FGGY: variants seen among roughly 807,000 people sequenced by gnomAD.
The protein encoded by FGGY is FGGY carbohydrate kinase domain containing, also known as FGGY carbohydrate kinase domain-containing protein.
In FGGY, 72 loss-of-function variants were observed where a neutral mutation model predicts 71.3. The observed-to-expected ratio is 1.01, with a 90% CI of 0.84 to 1.23. FGGY has a LOEUF of 1.23. FGGY is among the 50% of genes most tolerant of loss of function. The pLI, the probability that FGGY is intolerant of heterozygous loss-of-function variation, is 0.00. For missense variants in FGGY, 668 were observed against 682.3 expected (o/e 0.98, Z 0.23); for synonymous variants, 251 against 250.3 (o/e 1.00, Z -0.02).
At chr1:59,341,176 CTG>C (rs1570646321) in intron 3 of FGGY, among the ~76,000 whole-genome samples, 2 of 152,164 alleles carry the variant, frequency 1.3e-5, no homozygotes, top group African/African-American at 2.4e-5. Flanking sequence ...CCACTTAACT[CTG>C]TGTTTCTCAG....
At position 59,473,236 on chromosome 1, in the gene FGGY, C is replaced by A. The variant is rs184300337; in HGVS notation, c.670+16160C>A. ...TTCACTCCTGAAGCCAGCGAGACCA[C>A]GAACCCACCGGGAGGAACGAACAAC... On this transcript the variant is annotated intron_variant, in intron 6 of 15. Coordinates refer to ENST00000303721, the MANE Select transcript of FGGY (RefSeq NM_018291.5). Among the ~76,000 whole-genome samples, 1,170 of 152,124 alleles carry A rather than the reference C, an allele frequency of 7.7e-3. 8 individuals carry two copies. Among genetic ancestry groups the A allele is most frequent in the Non-Finnish European group, 0.012 (803 of 68,008 alleles).
intron 6 of FGGY, among the ~76,000 whole-genome samples, chr1:59,496,894 G>A (rs949505360): frequency 5.3e-4 from 80 of 152,216 alleles, no homozygotes; most frequent in African/African-American, 1.9e-3. Flanking sequence ...AAATTTATTT[G>A]CACAAATAGC....
Position 59,638,168 on chromosome 1 carries a change from A to G in FGGY, c.1074-60A>G, listed in dbSNP as rs1360874235. ...GGAAGTACAAATGGTTTCTTTCTATAGAATGATTTGCTCCCTGACCCTATC... is the reference window on the plus strand; with the variant it reads ...GGAAGTACAAATGGTTTCTTTCTATGGAATGATTTGCTCCCTGACCCTATC... On this transcript the variant is annotated intron_variant, in intron 10 of 15. Transcript: ENST00000303721. 3.9e-6 allele frequency: 6 copies of G among 1,529,658 alleles called. No homozygotes were observed. In the African/African-American group the frequency reaches 5.5e-5, roughly 14 times the overall value. 94.8% of individuals were successfully genotyped at this position (1,529,658 alleles called of 1,614,324 possible).
At chr1:59,472,658 T>G (rs546305246) in intron 6 of FGGY, among the ~76,000 whole-genome samples, 3 of 152,090 alleles carry the variant, frequency 2.0e-5, no homozygotes, top group Non-Finnish European at 4.4e-5. Context: ...ATCGGCACCC[T>G]GTGTCTAGCT....
At chr1:59,458,252 T>G (rs970842559) in intron 6 of FGGY, among the ~76,000 whole-genome samples, 6 of 152,214 alleles carry the variant, frequency 3.9e-5, no homozygotes, top group Non-Finnish European at 8.8e-5. Context: ...ATATATTGAT[T>G]ACCTGTATAT....
chr1:59,412,126 C>T (rs761956547), intron 5 of FGGY, among the ~76,000 whole-genome samples: 3 of 152,104 alleles, frequency 2.0e-5, no homozygotes, highest in East Asian at 1.9e-4. Flanking sequence ...TTCCAGCTGC[C>T]GTGACCAAGT....
chr1:59,538,998 TAATAA>T (rs769632176), intron 7 of FGGY, among the ~76,000 whole-genome samples: 15 of 151,892 alleles, frequency 9.9e-5, no homozygotes, highest in Middle Eastern at 6.8e-3. Flanking sequence ...AGTATAATAA[TAATAA>T]AATAAATAAA....
At position 59,609,890 on chromosome 1, in the gene FGGY, GT is replaced by G. The variant is rs140535503; in HGVS notation, c.1011+1984del. On this transcript the variant is annotated intron_variant, in intron 9 of 15. Transcript: ENST00000303721. ...ATGAATTGGACCTCATCAGTCCCTG[GT>G]TTTAAGGAGCTCATACTTGGATGGG... Among the ~76,000 whole-genome samples, 346 of 152,286 alleles carry G rather than the reference GT, an allele frequency of 2.3e-3. 3 individuals are homozygous for G. Among genetic ancestry groups the G allele is most frequent in the African/African-American group, 7.8e-3 (326 of 41,570 alleles).
rs567600257 is a variant in FGGY, at chr1:59,520,871, A to T, written c.799+8432A>T. Among the ~76,000 whole-genome samples the T allele has an allele frequency of 2.2e-4, 33 of 152,276 alleles. No individual in the cohort carries two copies. The East Asian group carries it at 6.4e-3, about 29-fold the overall frequency. ...CACTGAGGACACTGGGGTCAGAAGC[A>T]GTATTGATGTGTTTCTGCCAAGTAG... is the stretch of plus-strand genomic sequence containing the variant. On this transcript the variant is annotated intron_variant, in intron 7 of 15. Transcript: ENST00000303721.
At chr1:59,330,813 G>C (rs2048327340) in intron 2 of FGGY, among the ~76,000 whole-genome samples, 1 of 152,132 alleles carries the variant, frequency 6.6e-6, no homozygotes, top group Admixed American at 6.5e-5. Flanking sequence ...ACAGGGGTAG[G>C]TGAGACAGCT....
At chr1:59,736,170 C>T (rs958829892) in intron 14 of FGGY, among the ~76,000 whole-genome samples, 6 of 152,158 alleles carry the variant, frequency 3.9e-5, no homozygotes, top group African/African-American at 1.2e-4. Flanking sequence ...TGCCTTCTGC[C>T]ATGATTGTGA....
intron 6 of FGGY, among the ~76,000 whole-genome samples, chr1:59,464,898 A>G (rs962797151): frequency 6.6e-6 from 1 of 152,200 alleles, no homozygotes; most frequent in African/African-American, 2.4e-5. Flanking sequence ...CAACCAAAAA[A>G]AAGTTCAGGA....
chr1:59,412,671 T>C lies in FGGY; in HGVS notation c.554+33834T>C, dbSNP rs575031551. Among the ~76,000 whole-genome samples, 4 of 152,314 alleles carry C rather than the reference T, an allele frequency of 2.6e-5. No homozygotes were observed. In the East Asian group the frequency reaches 5.8e-4, roughly 22 times the overall value. On this transcript the variant is annotated intron_variant, in intron 5 of 15. Transcript: ENST00000303721. ...CATTCATTCATTTACACCTTATTTATTGAGACTTTCCCTGTGTGAGACATT... is the reference window on the plus strand; with the variant it reads ...CATTCATTCATTTACACCTTATTTACTGAGACTTTCCCTGTGTGAGACATT...
At chr1:59,319,253 T>A (rs1036565522) in intron 1 of FGGY, among the ~76,000 whole-genome samples, 47 of 152,348 alleles carry the variant, frequency 3.1e-4, no homozygotes, top group South Asian at 2.1e-4. Context: ...AATGTGGTTG[T>A]AAAATGAATA....
chr1:59,758,041 C>A, intron 15 of FGGY, 49 bp downstream of exon 15: 3 of 1,225,650 alleles, frequency 2.4e-6, no homozygotes, highest in African/African-American at 1.5e-5. Context: ...TGAGCACATA[C>A]ACACACACAT....
In FGGY at chr1:59,416,494, A is replaced by G. The variant is rs150940708; in HGVS notation, c.554+37657A>G. Among the ~76,000 whole-genome samples the G allele has an allele frequency of 3.6e-4, 55 of 152,352 alleles. No homozygotes were observed. The Middle Eastern group carries it at 0.014, about 38-fold the overall frequency. ...CTGTTATGAATGCCTTACATATACT[A>G]TATTAAATCATTTCACCATATATCC... On this transcript the variant is annotated intron_variant, in intron 5 of 15. Transcript: ENST00000303721.
chr1:59,341,320 G>A (rs1045172331), intron 3 of FGGY, among the ~76,000 whole-genome samples: 53 of 152,142 alleles, frequency 3.5e-4, no homozygotes, highest in African/African-American at 1.2e-3. Context: ...AGAATATTCC[G>A]GTCACTACTG....
chr1:59,518,583 A>G (rs2094728193), intron 7 of FGGY, among the ~76,000 whole-genome samples: 1 of 152,088 alleles, frequency 6.6e-6, no homozygotes, highest in Non-Finnish European at 1.5e-5. Context: ...TTTCTCATGA[A>G]TGGTTTCGCA....
intron 5 of FGGY, among the ~76,000 whole-genome samples, chr1:59,402,547 T>C (rs563377837): frequency 2.2e-4 from 33 of 152,364 alleles, no homozygotes; most frequent in African/African-American, 7.2e-4. Flanking sequence ...TATAATTATA[T>C]GTTTTTGCGG....
Sources: gnomAD v4.1 joint callset for allele counts (sites outside exome capture counted in the v4.1 genomes callset) on GRCh38, gnomAD v4.1.1 for gene constraint, MANE v1.5 for transcripts, NCBI Gene and HGNC (gene_info 2026-07-23, HGNC 2026-07-21) for gene names.